Variants in RELN observed in about 807,000 individuals in gnomAD.
RELN encodes reelin.
Under a neutral mutation model 427.6 loss-of-function variants are expected in RELN, and 108 were observed. That is an observed-to-expected ratio of 0.25 (90% CI 0.22 to 0.30). The LOEUF is 0.30. Ranked by LOEUF, RELN falls within the 10% of genes least tolerant of loss-of-function variation. RELN has a pLI of 1.00. For synonymous variants in RELN, 1,524 were observed against 1,513.4 expected (o/e 1.01, Z -0.16); for missense variants, 3,715 against 4,302.8 (o/e 0.86, Z 3.82).
intron 1 of RELN, among the ~76,000 whole-genome samples, chr7:103,985,293 C>A (rs1276324160): frequency 6.6e-6 from 1 of 152,064 alleles, no homozygotes; most frequent in East Asian, 1.9e-4. Context: ...AAATTTTTTT[C>A]TCTCAGTTGA....
At chr7:103,856,911 A>T (rs1200863404) in intron 2 of RELN, among the ~76,000 whole-genome samples, 1 of 151,984 alleles carries the variant, frequency 6.6e-6, no homozygotes, top group Non-Finnish European at 1.5e-5. Flanking sequence ...CATACTTTAA[A>T]ATATATATAT....
chr7:103,944,384 C>T (rs1429047975), intron 1 of RELN, among the ~76,000 whole-genome samples: 1 of 152,148 alleles, frequency 6.6e-6, no homozygotes, highest in Admixed American at 6.5e-5. Context: ...GGAAGACATA[C>T]TGCCTTCGGT....
At chr7:103,713,281 A>G (rs2115858102) in intron 8 of RELN, among the ~76,000 whole-genome samples, 1 of 152,310 alleles carries the variant, frequency 6.6e-6, no homozygotes, top group Non-Finnish European at 1.5e-5. Flanking sequence ...GCTGCATGTA[A>G]ACAACAGCAT....
At chr7:103,528,382 G>T (rs968894695) in intron 46 of RELN, among the ~76,000 whole-genome samples, 1 of 152,142 alleles carries the variant, frequency 6.6e-6, no homozygotes. Context: ...CTAGGGCTGG[G>T]GTGAGGGGTG....
chr7:103,894,165 T>C (rs1794910036), intron 2 of RELN, among the ~76,000 whole-genome samples: 1 of 152,162 alleles, frequency 6.6e-6, no homozygotes, highest in African/African-American at 2.4e-5. Flanking sequence ...TATCTACCAA[T>C]CTATGAAACC....
chr7:103,483,067 C>G, intron 62 of RELN, 96 bp from the exon 63 acceptor site: 1 of 930,562 alleles, frequency 1.1e-6, no homozygotes, highest in Non-Finnish European at 1.7e-6. Context: ...ATAGGCTAAT[C>G]TAAATCAACA....
intron 3 of RELN, among the ~76,000 whole-genome samples, chr7:103,822,027 G>T (rs1584268715): frequency 6.6e-6 from 1 of 151,954 alleles, no homozygotes; most frequent in African/African-American, 2.4e-5. Context: ...AATAGAGATG[G>T]AAATAATAAT....
chr7:103,989,254 G>A lies in RELN; in HGVS notation c.103C>T (p.Pro35Ser), dbSNP rs763567323. The change falls in exon 1 of 65, where the codon CCC (proline) becomes TCC (serine). Residue 35 changes from proline (P) to serine (S), a missense_variant. Physicochemically the swap from Pro to Ser is moderately conservative, Grantham distance 74. This residue lies in a region of RELN where 2,208 missense variants were observed against 2,361.7 expected (regional missense o/e 0.93). Transcript: ENST00000428762. The surrounding 1 kb of genome is among the most constrained non-coding windows in gnomAD (Gnocchi z 4.9). ...TGGTGGGTGCACAGGAAAAAGAAGGGCGAAAAGCGGGGGTAATAGCCAGCC... is the reference window on the plus strand; with the variant it reads ...TGGTGGGTGCACAGGAAAAAGAAGGACGAAAAGCGGGGGTAATAGCCAGCC... ...AAAGYYPRFSPFFFLCTHHGE... is the reference protein window; with the variant it reads ...AAAGYYPRFSSFFFLCTHHGE... 12 of 1,613,844 alleles carry A rather than the reference G, an allele frequency of 7.4e-6. No individual in the cohort carries two copies. In the Admixed American group the frequency reaches 1.8e-4, roughly 25 times the overall value.
intron 11 of RELN, among the ~76,000 whole-genome samples, chr7:103,662,344 A>G (rs6950480): frequency 0.33 from 49,741 of 152,060 alleles, 8,372 homozygotes; most frequent in South Asian, 0.39. Flanking sequence ...AATGACCAGC[A>G]GGCATGGTGG....
rs114224379 is a variant in RELN at position 103,739,459 on chromosome 7, T to G, written c.656+9967A>C. Among the ~76,000 whole-genome samples, 470 of 152,308 alleles carry G rather than the reference T, an allele frequency of 3.1e-3. 2 individuals carry two copies. The highest frequency in any genetic ancestry group is 0.011 in the African/African-American group (462 of 41,572). ...CTCTGTCATCAGTAGTGCAGCCACA[T>G]TGAACACACTTGCTAACAGCACTGG... On this transcript the variant is annotated intron_variant, in intron 6 of 64. Transcript: ENST00000428762.
intron 1 of RELN, among the ~76,000 whole-genome samples, chr7:103,946,125 T>C (rs947943285): frequency 2.6e-5 from 4 of 152,236 alleles, no homozygotes; most frequent in Non-Finnish European, 5.9e-5. Context: ...TCAGTGCTAC[T>C]GTTTTCCCAG....
intron 2 of RELN, among the ~76,000 whole-genome samples, chr7:103,857,401 A>G (rs1324721348): frequency 6.6e-6 from 1 of 152,174 alleles, no homozygotes; most frequent in Non-Finnish European, 1.5e-5. Flanking sequence ...TTTTTAGAGG[A>G]AGTTGAATTG....
At chr7:103,779,880 G>A (rs559364844) in intron 3 of RELN, among the ~76,000 whole-genome samples, 35 of 152,132 alleles carry the variant, frequency 2.3e-4, no homozygotes, top group East Asian at 1.4e-3. Context: ...GGCCTGCGCC[G>A]CCATGCCCAG....
chr7:103,669,713 A>C (rs1419783929), intron 11 of RELN, among the ~76,000 whole-genome samples: 1 of 152,106 alleles, frequency 6.6e-6, no homozygotes, highest in African/African-American at 2.4e-5. Context: ...CTCCAAAGGT[A>C]TGTTACTTCT....
At position 103,953,258 on chromosome 7, in the gene RELN, G is replaced by A. The variant is rs948690038; in HGVS notation, c.226+35873C>T. 9.9e-5 allele frequency among the ~76,000 whole-genome samples: 15 copies of A among 152,160 alleles called. No homozygotes were observed. Among genetic ancestry groups the A allele is most frequent in the African/African-American group, 3.4e-4 (14 of 41,428 alleles). ...TTATTGCAAACAGTTGATTGAAAAAGTTAAAATACTGCCCTACTTGAAACT... is the reference window on the plus strand; with the variant it reads ...TTATTGCAAACAGTTGATTGAAAAAATTAAAATACTGCCCTACTTGAAACT... On this transcript the variant is annotated intron_variant, in intron 1 of 64. Coordinates refer to ENST00000428762, the MANE Select transcript of RELN (RefSeq NM_005045.4). This position sits in a 1 kb window ranked among gnomAD's most constrained non-coding sequence, Gnocchi z 4.3.
In RELN at chr7:103,714,441, G is replaced by C. The variant is rs1037984753; in HGVS notation, c.805+8699C>G. On this transcript the variant is annotated intron_variant, in intron 8 of 64. Coordinates refer to ENST00000428762, the MANE Select transcript of RELN (RefSeq NM_005045.4). ...AAGTGTGCTATTTTACCAATTCTCT[G>C]ATCACGGGTAAAATAAATGCATGAG... 1.4e-4 allele frequency among the ~76,000 whole-genome samples: 22 copies of C among 152,166 alleles called. 1 individual carries two copies. The highest frequency in any genetic ancestry group is 6.5e-5 in the Admixed American group (1 of 15,278).
intron 11 of RELN, among the ~76,000 whole-genome samples, chr7:103,668,717 C>A (rs1370570480): frequency 4.6e-5 from 7 of 152,166 alleles, no homozygotes; most frequent in Non-Finnish European, 1.0e-4. Context: ...AATAGTATTG[C>A]ATCATTCGCA....
chr7:103,501,008 A>G, intron 52 of RELN, 86 bp from the exon 53 acceptor site: 2 of 1,236,116 alleles, frequency 1.6e-6, no homozygotes, highest in East Asian at 4.6e-5. Context: ...TCAGTACTCA[A>G]GAGAAAAAAC....
chr7:103,805,721 T>TAA (rs1431619937), intron 3 of RELN, among the ~76,000 whole-genome samples: 1 of 152,204 alleles, frequency 6.6e-6, no homozygotes, highest in African/African-American at 2.4e-5. Flanking sequence ...TATCAAAATG[T>TAA]GCTACAATTG....
Sources: gnomAD v4.1 joint callset for allele counts (sites outside exome capture counted in the v4.1 genomes callset) on GRCh38, gnomAD v4.1.1 for gene constraint, gnomAD v4.1.1 regional missense constraint, Gnocchi (gnomAD v3.1) non-coding constraint, MANE v1.5 for transcripts, NCBI Gene and HGNC (gene_info 2026-07-23, HGNC 2026-07-21) for gene names.